The following TERT variants were observed in gnomAD, a reference collection of about 807,000 sequenced individuals.
The protein encoded by TERT is telomerase catalytic subunit.
A neutral mutation model predicts 104.0 loss-of-function variants in TERT; 42 were observed. The observed-to-expected ratio is 0.40, with a 90% confidence interval of 0.32 to 0.52. The LOEUF (loss-of-function observed/expected upper bound fraction) is 0.52. TERT is among the 20% of genes least tolerant of loss of function. TERT has a pLI of 0.43. For synonymous variants in TERT, 781 were observed against 725.6 expected (o/e 1.08, Z -1.23); for missense variants, 1,101 against 1,610.3 (o/e 0.68, Z 5.41).
Position 1,269,761 on chromosome 5 carries a change from C to T in TERT, c.2469-1128G>A, listed in dbSNP as rs1286745577. Among the ~76,000 whole-genome samples the T allele has an allele frequency of 2.6e-5, 4 of 152,182 alleles. No homozygotes were observed. Among genetic ancestry groups the T allele is most frequent in the Admixed American group, 6.5e-5 (1 of 15,272 alleles). On this transcript the variant is annotated intron_variant, in intron 8 of 15. Coordinates refer to ENST00000310581, the MANE Select transcript of TERT (RefSeq NM_198253.3). The surrounding 1 kb of genome is among the most constrained non-coding windows in gnomAD (Gnocchi z 9.0). ...CCCAGCGAGTCAACGCAAGCAGATACGCCCCTGTGAGCACATGGGATGGGA... is the reference window on the plus strand; with the variant it reads ...CCCAGCGAGTCAACGCAAGCAGATATGCCCCTGTGAGCACATGGGATGGGA...
chr5:1,253,814 G>T lies in TERT; in HGVS notation c.3313C>A (p.Arg1105=). ...SLRTAQTQLS[R]KLPGTTLTAL... is the part of the protein sequence containing the mutation. The stretch of plus-strand genomic sequence containing the variant: ...GTCAGCGTCGTCCCCGGGAGCTTCC[G>T]ACTCAGCTGCGTCTGGGCTGCGGGG... The change falls in exon 16 of 16, where the codon CGG becomes AGG. Residue 1105 remains arginine, a synonymous_variant. Coordinates refer to ENST00000310581, the MANE Select transcript of TERT (RefSeq NM_198253.3). 1 of 1,610,596 alleles carries T rather than the reference G, an allele frequency of 6.2e-7. No individual in the cohort carries two copies. Among genetic ancestry groups the T allele is most frequent in the South Asian group, 1.1e-5 (1 of 90,162 alleles).
chr5:1,279,146 G>A, intron 5 of TERT, 145 bp downstream of exon 5: 3 of 938,268 alleles, frequency 3.2e-6, no homozygotes, highest in Non-Finnish European at 3.2e-6. Flanking sequence ...CACCCTAGGT[G>A]CCAGGTGTGT....
At chr5:1,253,868 C>G in intron 15 of TERT, 37 bp from the exon 16 acceptor site, 2 of 1,580,012 alleles carry the variant, frequency 1.3e-6, no homozygotes, top group Non-Finnish European at 1.7e-6. Flanking sequence ...CCAGAAGAGG[C>G]CAGAGGTGGC....
In TERT at chr5:1,293,754, T is replaced by G; in HGVS notation, c.1132A>C (p.Arg378=). 1 of 1,559,534 alleles carries G rather than the reference T, an allele frequency of 6.4e-7. No homozygotes were observed. Among genetic ancestry groups the G allele is most frequent in the Non-Finnish European group, 8.7e-7 (1 of 1,151,946 alleles). Reference sequence around the variant, plus strand: ...TAGCGCTGGGGCAGGCGGGGCAACCTGCGGGGAGTCCCTGGCATCCAGGGC... The same window carrying G: ...TAGCGCTGGGGCAGGCGGGGCAACCGGCGGGGAGTCCCTGGCATCCAGGGC... The part of the protein sequence containing the change: ...SRPWMPGTPR[R]LPRLPQRYWQ... The change falls in exon 2 of 16, where the codon AGG becomes CGG. Residue 378 remains arginine, a synonymous_variant. Transcript: ENST00000310581.
Position 1,261,819 on chromosome 5 carries a change from G to A in TERT, c.2844-1219C>T, listed in dbSNP as rs892300489. Among the ~76,000 whole-genome samples, 61 of 152,346 alleles carry A rather than the reference G, an allele frequency of 4.0e-4. No individual in the cohort carries two copies. The highest frequency in any genetic ancestry group is 1.4e-3 in the African/African-American group (59 of 41,580). ...GGGCAGAGCAAGGGCCCCGGAGCAGGAGGCCAGGCTGCAATCATGCATGCC... is the reference window on the plus strand; with the variant it reads ...GGGCAGAGCAAGGGCCCCGGAGCAGAAGGCCAGGCTGCAATCATGCATGCC... On this transcript the variant is annotated intron_variant, in intron 11 of 15. Transcript: ENST00000310581. The surrounding 1 kb of genome is among the most constrained non-coding windows in gnomAD (Gnocchi z 7.4).
chr5:1,264,646 TA>T, intron 10 of TERT, 54 bp from the exon 11 acceptor site: 1 of 1,591,612 alleles, frequency 6.3e-7, no homozygotes. Context: ...ACCCAGGAGG[TA>T]ACCTGACACC....
intron 6 of TERT, 38 bp from the exon 7 acceptor site, chr5:1,272,318 C>T (rs756212810): frequency 2.6e-6 from 4 of 1,548,930 alleles, no homozygotes; most frequent in Non-Finnish European, 2.7e-6. Context: ...ACAAATGTGG[C>T]CTGCCCCGGC....
At position 1,260,492 on chromosome 5, in the gene TERT, G is replaced by C. The variant is rs1159346733; in HGVS notation, c.2952C>G (p.Ser984Arg). 1 of 1,614,150 alleles carries C rather than the reference G, an allele frequency of 6.2e-7. No homozygotes were observed. The highest frequency in any genetic ancestry group is 8.5e-7 in the Non-Finnish European group (1 of 1,180,018). Residue 984 changes from serine to arginine, a missense_variant, in exon 12 of 16, where the codon AGC becomes AGG. Transcript: ENST00000310581. Reference protein sequence around the residue: ...LFGVLRLKCHSLFLDLQVNSL... With the variant: ...LFGVLRLKCHRLFLDLQVNSL... ...TGCTCACCTGCAAATCCAGAAACAG[G>C]CTGTGACACTTCAGCCGCAAGACCC...
In TERT at chr5:1,254,372, C is replaced by A; in HGVS notation, c.3291G>T (p.Arg1097Ser). The stretch of plus-strand genomic sequence containing the variant: ...CTGGCCTCCACCCACACTTGCCTGT[C>A]CTGAGTGACCCCAGGAGTGGCACGT... ...VTYVPLLGSL[R>S]TAQTQLSRKL... Residue 1097 changes from arginine (R) to serine (S), a missense_variant, in exon 15 of 16, where the codon AGG becomes AGT. By Grantham distance (110) the Arg-to-Ser change is moderately radical. Around this residue, in one of 5 missense-constraint regions of TERT, gnomAD observed 463 missense variants for 797.5 expected, o/e 0.58. Transcript: ENST00000310581. The A allele has an allele frequency of 6.2e-7, 1 of 1,613,168 alleles. No homozygotes were observed. Among genetic ancestry groups the A allele is most frequent in the Non-Finnish European group, 8.5e-7 (1 of 1,179,916 alleles).
chr5:1,258,777 A>G, intron 12 of TERT, 118 bp from the exon 13 acceptor site: 1 of 917,088 alleles, frequency 1.1e-6, no homozygotes, highest in South Asian at 1.4e-5. Flanking sequence ...TTGACAAGAA[A>G]CTATCCCTCT....
chr5:1,270,500 C>A lies in TERT; in HGVS notation c.2468+619G>T, dbSNP rs1425625077. Among the ~76,000 whole-genome samples the A allele has an allele frequency of 6.6e-6, 1 of 152,202 alleles. No homozygotes were observed. The highest frequency in any genetic ancestry group is 1.5e-5 in the Non-Finnish European group (1 of 68,034). ...CCAGAGGACGTGATGTGGCACCAGG[C>A]ACTGTGGCTCTACCACCGTGAGTGT... On this transcript the variant is annotated intron_variant, in intron 8 of 15. Coordinates refer to ENST00000310581, the MANE Select transcript of TERT (RefSeq NM_198253.3). The surrounding 1 kb of genome is among the most constrained non-coding windows in gnomAD (Gnocchi z 8.3).
At position 1,258,582 on chromosome 5, in the gene TERT, C is replaced by A; in HGVS notation, c.3032+16G>T. On this transcript the variant is annotated intron_variant, in intron 13 of 15. Transcript: ENST00000310581. ...GTCCCTGGAGGCTGGGCCTGCACCC[C>A]TTGGTGGCGGCTCACCTGTACGCCT... The A allele has an allele frequency of 1.3e-6, 2 of 1,561,372 alleles. No individual in the cohort carries two copies. The highest frequency in any genetic ancestry group is 1.7e-6 in the Non-Finnish European group (2 of 1,152,218).
Position 1,264,602 on chromosome 5 carries a change from A to AG in TERT, c.2655-11dup. 6.2e-7 allele frequency: 1 copy of AG among 1,613,620 alleles called. No individual in the cohort carries two copies. Among genetic ancestry groups the AG allele is most frequent in the Non-Finnish European group, 8.5e-7 (1 of 1,180,026 alleles). On this transcript the variant is annotated splice_polypyrimidine_tract_variant and intron_variant, in intron 10 of 15. Coordinates refer to ENST00000310581, the MANE Select transcript of TERT (RefSeq NM_198253.3). Reference sequence around the variant, plus strand: ...ACCTCGGACCAGGGTCCTAAGGCAGAGGGGCAATGTCAGCCCCAGGATGCG... The same window carrying AG: ...ACCTCGGACCAGGGTCCTAAGGCAGAGGGGGCAATGTCAGCCCCAGGATGCG...
chr5:1,273,278 G>A (rs867018197), intron 6 of TERT, among the ~76,000 whole-genome samples: 2 of 11,336 alleles, frequency 1.8e-4, no homozygotes, highest in African/African-American at 1.5e-3. Context: ...CAGACCCCAC[G>A]ACCGCCATCC....
rs199422288 is a variant in TERT at position 1,278,749 on chromosome 5, C to T, written c.2178G>A (p.Thr726=). Residue 726 remains threonine (T), a synonymous_variant, in exon 6 of 16, where the codon ACG becomes ACA. Transcript: ENST00000310581. ...AYDTIPQDRL[T]EVIASIIKPQ... ...GTTTGATGATGCTGGCGATGACCTC[C>T]GTGAGCCTGTCCTGGGGGATGGTGT... The T allele has an allele frequency of 6.8e-5, 110 of 1,614,182 alleles. 1 individual carries two copies. In the East Asian group the frequency reaches 8.2e-4, roughly 12 times the overall value.
chr5:1,256,501 C>T lies in TERT; in HGVS notation c.3033-1090G>A, dbSNP rs1212915239. 6.7e-6 allele frequency among the ~76,000 whole-genome samples: 1 copy of T among 148,972 alleles called. No homozygotes were observed. Among genetic ancestry groups the T allele is most frequent in the East Asian group, 2.0e-4 (1 of 5,050 alleles). On this transcript the variant is annotated intron_variant, in intron 13 of 15. Coordinates refer to ENST00000310581, the MANE Select transcript of TERT (RefSeq NM_198253.3). The surrounding 1 kb of genome is among the most constrained non-coding windows in gnomAD (Gnocchi z 7.0). Reference sequence around the variant, plus strand: ...CTCATCTCACCCAGTGCCTGAGCCCCCCATGTACCTGGCCTCACCCACTGC... The same window carrying T: ...CTCATCTCACCCAGTGCCTGAGCCCTCCATGTACCTGGCCTCACCCACTGC...
rs1419828351 is a variant in TERT at position 1,287,787 on chromosome 5, T to C, written c.1574-5163A>G. On this transcript the variant is annotated intron_variant, in intron 2 of 15. Coordinates refer to ENST00000310581, the MANE Select transcript of TERT (RefSeq NM_198253.3). This position sits in a 1 kb window ranked among gnomAD's most constrained non-coding sequence, Gnocchi z 4.3. Reference sequence around the variant, plus strand: ...CTATGGCCTCCTTCTTGGAATTTCATGCATCTAGAAGGAGACAGAAGCTTT... The same window carrying C: ...CTATGGCCTCCTTCTTGGAATTTCACGCATCTAGAAGGAGACAGAAGCTTT... Among the ~76,000 whole-genome samples, 1 of 152,064 alleles carries C rather than the reference T, an allele frequency of 6.6e-6. No individual in the cohort carries two copies. Among genetic ancestry groups the C allele is most frequent in the Non-Finnish European group, 1.5e-5 (1 of 68,016 alleles).
intron 6 of TERT, 67 bp downstream of exon 6, chr5:1,278,574 G>C: frequency 6.2e-7 from 1 of 1,604,620 alleles, no homozygotes; most frequent in Non-Finnish European, 8.5e-7. Flanking sequence ...AGACACGACT[G>C]CATTCTAGAC....
rs1460764835 is a variant in TERT, at chr5:1,255,273, GC to G, written c.3157+13del. The G allele has an allele frequency of 1.2e-6, 2 of 1,612,872 alleles. No individual in the cohort carries two copies. Among genetic ancestry groups the G allele is most frequent in the African/African-American group, 2.7e-5 (2 of 75,054 alleles). On this transcript the variant is annotated intron_variant, in intron 14 of 15. Coordinates refer to ENST00000310581, the MANE Select transcript of TERT (RefSeq NM_198253.3). The surrounding 1 kb of genome is among the most constrained non-coding windows in gnomAD (Gnocchi z 6.9). ...CAGGCACTGCTGCCACTGAGGCCAG[GC>G]ACCTGCACATACCTGCGTTCTTGGC...
Sources: gnomAD v4.1 joint callset for allele counts (sites outside exome capture counted in the v4.1 genomes callset) on GRCh38, gnomAD v4.1.1 for gene constraint, gnomAD v4.1.1 regional missense constraint, Gnocchi (gnomAD v3.1) non-coding constraint, MANE v1.5 for transcripts, NCBI Gene and HGNC (gene_info 2026-07-23, HGNC 2026-07-21) for gene names.